Variants in SCARA5 observed in about 807,000 individuals in gnomAD.
SCARA5 encodes scavenger receptor class A, member 5 (putative).
A neutral mutation model predicts 46.3 loss-of-function variants in SCARA5; 45 were observed. That is an observed-to-expected ratio of 0.97 (90% CI 0.76 to 1.24). The LOEUF is 1.24. Ranked by LOEUF, SCARA5 falls within the 50% of genes most tolerant of loss-of-function variation. The pLI is 0.00. For synonymous variants in SCARA5, 333 were observed against 306.5 expected (o/e 1.09, Z -0.90); for missense variants, 680 against 689.0 (o/e 0.99, Z 0.15).
chr8:27,885,204 C>T (rs1049792098), intron 7 of SCARA5, among the ~76,000 whole-genome samples: 3 of 152,002 alleles, frequency 2.0e-5, no homozygotes, highest in African/African-American at 7.2e-5. Flanking sequence ...AGAGCAGGTG[C>T]CATTTTGGAC....
chr8:27,876,976 G>A (rs939717), intron 8 of SCARA5, among the ~76,000 whole-genome samples: 58,821 of 151,996 alleles, frequency 0.39, 11,901 homozygotes, highest in East Asian at 0.59. Flanking sequence ...CCCTCCTCTC[G>A]GCCCCATGAC....
chr8:27,952,794 G>A (rs1210796795), intron 3 of SCARA5, among the ~76,000 whole-genome samples: 1 of 152,154 alleles, frequency 6.6e-6, no homozygotes, highest in Non-Finnish European at 1.5e-5. Context: ...GTGAGACAGA[G>A]TGGATTTTTT....
intron 3 of SCARA5, among the ~76,000 whole-genome samples, chr8:27,935,952 T>C (rs1045923341): frequency 6.6e-6 from 1 of 152,012 alleles, no homozygotes; most frequent in Non-Finnish European, 1.5e-5. Context: ...TTATTTTTCC[T>C]TTTTAAAGAA....
intron 5 of SCARA5, 21 bp downstream of exon 5, chr8:27,909,642 A>G (rs1181688295): frequency 4.7e-6 from 7 of 1,502,658 alleles, no homozygotes; most frequent in Non-Finnish European, 6.3e-6. Flanking sequence ...CCCAGGTACC[A>G]CCCAGGGGCA....
At chr8:27,929,099 A>G (rs1465666373) in intron 3 of SCARA5, among the ~76,000 whole-genome samples, 2 of 152,212 alleles carry the variant, frequency 1.3e-5, no homozygotes, top group African/African-American at 4.8e-5. Context: ...AATATTGATT[A>G]CTGAATACTA....
intron 7 of SCARA5, among the ~76,000 whole-genome samples, chr8:27,885,367 C>T (rs1806878341): frequency 6.6e-6 from 1 of 152,128 alleles, no homozygotes; most frequent in Non-Finnish European, 1.5e-5. Flanking sequence ...CCCTGGTCCC[C>T]ACACCCAACA....
chr8:27,965,155 G>C (rs1224259369), intron 3 of SCARA5, among the ~76,000 whole-genome samples: 1 of 152,134 alleles, frequency 6.6e-6, no homozygotes, highest in Non-Finnish European at 1.5e-5. Flanking sequence ...CAATGTCTTT[G>C]CCCTGAGTGT....
At chr8:27,987,718 G>A in intron 1 of SCARA5, 88 bp from the exon 2 acceptor site, 7 of 785,820 alleles carry the variant, frequency 8.9e-6, no homozygotes, top group Non-Finnish European at 1.5e-5. Context: ...AGAAGCAAAT[G>A]GATAGAACAA....
At chr8:27,972,706 AT>A (rs1357347712) in intron 2 of SCARA5, among the ~76,000 whole-genome samples, 3 of 152,028 alleles carry the variant, frequency 2.0e-5, no homozygotes, top group Non-Finnish European at 4.4e-5. Context: ...TCTACAAAAA[AT>A]TTTTTTAATT....
intron 4 of SCARA5, among the ~76,000 whole-genome samples, chr8:27,918,755 AAGG>A (rs1807518119): frequency 7.0e-6 from 1 of 142,038 alleles, no homozygotes; most frequent in African/African-American, 2.6e-5. Context: ...GGAAGAGGAG[AAGG>A]AAGAAAGGGT....
intron 3 of SCARA5, among the ~76,000 whole-genome samples, chr8:27,924,357 G>T (rs1441628936): frequency 6.6e-6 from 1 of 152,238 alleles, no homozygotes; most frequent in African/African-American, 2.4e-5. Context: ...AGGGATATAG[G>T]TTGTGAGGGC....
At position 27,980,215 on chromosome 8, in the gene SCARA5, AAATG is replaced by A. The variant is rs527981669; in HGVS notation, c.112+7285_112+7288del. ...ATTTTGCTGGAAGATGAAGATGAAG[AAATG>A]AATGAATGAGCAAGCAAGGAAGCAG... On this transcript the variant is annotated intron_variant, in intron 2 of 8. Transcript: ENST00000354914. Among the ~76,000 whole-genome samples, 681 of 152,316 alleles carry A rather than the reference AAATG, an allele frequency of 4.5e-3. 5 individuals carry two copies. The highest frequency in any genetic ancestry group is 7.1e-3 in the Non-Finnish European group (483 of 68,018).
At chr8:27,894,335 G>A (rs1320377) in intron 7 of SCARA5, among the ~76,000 whole-genome samples, 133,690 of 152,256 alleles carry the variant, frequency 0.88, 59,654 homozygotes, top group East Asian at 1. Flanking sequence ...CAGGCTGAAT[G>A]CTTAAGACAA....
At chr8:27,883,686 G>A (rs1806846699) in intron 7 of SCARA5, among the ~76,000 whole-genome samples, 1 of 152,160 alleles carries the variant, frequency 6.6e-6, no homozygotes, top group Non-Finnish European at 1.5e-5. Flanking sequence ...AGTAATCCAA[G>A]GCCAGAGAAG....
intron 3 of SCARA5, among the ~76,000 whole-genome samples, chr8:27,954,826 A>G (rs1808182216): frequency 6.6e-6 from 1 of 152,238 alleles, no homozygotes. Context: ...GTCAGGGGAC[A>G]AGTGTTAATT....
chr8:27,877,793 T>C (rs2129664957), intron 8 of SCARA5, among the ~76,000 whole-genome samples: 1 of 152,262 alleles, frequency 6.6e-6, no homozygotes, highest in Middle Eastern at 3.4e-3. Flanking sequence ...CTCTGGCCCT[T>C]AAGACGGCAC....
At chr8:27,954,040 C>A (rs1236162289) in intron 3 of SCARA5, among the ~76,000 whole-genome samples, 1 of 152,162 alleles carries the variant, frequency 6.6e-6, no homozygotes, top group Non-Finnish European at 1.5e-5. Context: ...CCCTGGGCCT[C>A]CGTCCCATTT....
At chr8:27,946,188 G>A (rs1265633463) in intron 3 of SCARA5, among the ~76,000 whole-genome samples, 1 of 152,206 alleles carries the variant, frequency 6.6e-6, no homozygotes, top group African/African-American at 2.4e-5. Context: ...TTAACCAGAT[G>A]AACTTTAATG....
intron 7 of SCARA5, among the ~76,000 whole-genome samples, chr8:27,891,361 A>G (rs558342337): frequency 6.6e-6 from 1 of 152,218 alleles, no homozygotes; most frequent in Non-Finnish European, 1.5e-5. Flanking sequence ...GTGCACCACC[A>G]TGCCCGGCTA....
Sources: allele counts gnomAD v4.1 joint callset (sites outside exome capture counted in the v4.1 genomes callset), GRCh38; gene constraint gnomAD v4.1.1; transcripts MANE v1.5; gene names NCBI Gene and HGNC (gene_info 2026-07-23, HGNC 2026-07-21).